KLRG1: variants seen among roughly 807,000 people sequenced by gnomAD.
The protein encoded by KLRG1 is killer cell lectin-like receptor subfamily G member 1.
In KLRG1, 16 loss-of-function variants were observed where a neutral mutation model predicts 21.8. The observed-to-expected ratio is 0.73, with a 90% confidence interval of 0.50 to 1.11. KLRG1 has a LOEUF of 1.11. KLRG1 is among the 50% of genes most tolerant of loss of function. The pLI is 0.00. For missense variants in KLRG1, 173 were observed against 218.3 expected (o/e 0.79, Z 1.31); for synonymous variants, 69 against 75.9 (o/e 0.91, Z 0.47).
the KLRG1 span, chr12:9,101,099 TG>T: frequency 6.6e-7 from 1 of 1,525,126 alleles, no homozygotes; most frequent in South Asian, 1.2e-5. Flanking sequence ...TAAGGCTGAA[TG>T]GGTCAGAATG....
At chr12:9,054,549 G>A in the KLRG1 span, among the ~76,000 whole-genome samples, 4 of 138,408 alleles carry the variant, frequency 2.9e-5, no homozygotes, top group African/African-American at 7.3e-5. Flanking sequence ...CACATTAAAC[G>A]TTTATTATTT....
chr12:9,092,085 G>A, the KLRG1 span, among the ~76,000 whole-genome samples: 5 of 152,334 alleles, frequency 3.3e-5, no homozygotes, highest in East Asian at 7.7e-4. Context: ...CTGACTGAGT[G>A]TTGGGCTTCT....
chr12:9,040,372 T>C, the KLRG1 span, among the ~76,000 whole-genome samples: 1 of 152,230 alleles, frequency 6.6e-6, no homozygotes, highest in South Asian at 2.1e-4. Flanking sequence ...AGGAAATCTT[T>C]CCTTAGTATT....
At chr12:8,994,085 G>A (rs1235177297) in intron 2 of KLRG1, among the ~76,000 whole-genome samples, 1 of 152,084 alleles carries the variant, frequency 6.6e-6, no homozygotes, top group African/African-American at 2.4e-5. Context: ...TTGTTTTTGA[G>A]ACAGTGTCTT....
At chr12:9,132,972 T>C in the KLRG1 span, among the ~76,000 whole-genome samples, 1 of 152,160 alleles carries the variant, frequency 6.6e-6, no homozygotes, top group Admixed American at 6.5e-5. Flanking sequence ...AACTAATATT[T>C]ATAGATACTG....
At chr12:9,056,101 A>G in the KLRG1 span, among the ~76,000 whole-genome samples, 1 of 152,210 alleles carries the variant, frequency 6.6e-6, no homozygotes, top group Admixed American at 6.5e-5. Context: ...CAAACTGCCT[A>G]TCGGCTGCAG....
upstream of KLRG1, among the ~76,000 whole-genome samples, chr12:8,987,741 G>A (rs1409258746): frequency 6.6e-6 from 1 of 152,048 alleles, no homozygotes; most frequent in African/African-American, 2.4e-5. Context: ...CCTCATATAA[G>A]TGGAATCACA....
At chr12:9,212,932 T>C in the KLRG1 span, among the ~76,000 whole-genome samples, 1 of 152,176 alleles carries the variant, frequency 6.6e-6, no homozygotes, top group African/African-American at 2.4e-5. Flanking sequence ...AGAAACTACA[T>C]ACATGTTAGT....
chr12:9,176,927 C>G, the KLRG1 span, among the ~76,000 whole-genome samples: 12 of 152,118 alleles, frequency 7.9e-5, no homozygotes, highest in Admixed American at 2.6e-4. Context: ...GTACTTGGAC[C>G]TGATTTAAAT....
At chr12:9,194,297 A>G in the KLRG1 span, 7 of 1,494,944 alleles carry the variant, frequency 4.7e-6, no homozygotes, top group Admixed American at 5.8e-5. Context: ...GACTGAACTC[A>G]TGTGAACAAA....
At chr12:9,073,789 T>C in the KLRG1 span, among the ~76,000 whole-genome samples, 1 of 152,116 alleles carries the variant, frequency 6.6e-6, no homozygotes, top group Non-Finnish European at 1.5e-5. Context: ...TGTTTGTGTA[T>C]TAAGAGGTGA....
At chr12:9,035,563 G>A in the KLRG1 span, among the ~76,000 whole-genome samples, 5 of 148,844 alleles carry the variant, frequency 3.4e-5, no homozygotes, top group South Asian at 2.1e-4. Flanking sequence ...AAAACTGCAC[G>A]TTCTGCACGT....
the KLRG1 span, chr12:9,168,813 G>A: frequency 4.5e-5 from 59 of 1,303,090 alleles, no homozygotes; most frequent in African/African-American, 8.1e-4. Flanking sequence ...TTAGCATTTT[G>A]GGCATAGTAA....
chr12:9,179,043 T>C, the KLRG1 span, among the ~76,000 whole-genome samples: 55 of 152,174 alleles, frequency 3.6e-4, no homozygotes, highest in African/African-American at 1.3e-3. Flanking sequence ...TTTTAAATGG[T>C]GATTCATGAG....
the KLRG1 span, among the ~76,000 whole-genome samples, chr12:9,100,452 T>C: frequency 3.9e-5 from 6 of 152,104 alleles, no homozygotes; most frequent in Admixed American, 3.9e-4. Flanking sequence ...ATTTATTTAT[T>C]TACTTTTATA....
chr12:9,143,651 T>C, the KLRG1 span, among the ~76,000 whole-genome samples: 1 of 152,234 alleles, frequency 6.6e-6, no homozygotes, highest in East Asian at 1.9e-4. Flanking sequence ...GGTTATAAAG[T>C]TGTCAAGGTC....
At chr12:9,208,576 TA>T in the KLRG1 span, among the ~76,000 whole-genome samples, 14 of 152,258 alleles carry the variant, frequency 9.2e-5, no homozygotes, top group East Asian at 2.5e-3. Context: ...GTCTGGAAGA[TA>T]AAATTTGTAT....
At chr12:9,149,000 G>C in the KLRG1 span, 2 of 1,611,024 alleles carry the variant, frequency 1.2e-6, no homozygotes, top group Non-Finnish European at 1.7e-6. Context: ...TGTATCTATG[G>C]AGAAAAGAAA....
At chr12:8,968,060 A>T (rs1297864654) in intron 1 of KLRG1, among the ~76,000 whole-genome samples, 6 of 152,192 alleles carry the variant, frequency 3.9e-5, no homozygotes, top group Non-Finnish European at 7.3e-5. Flanking sequence ...CATGAAAGAC[A>T]TTCGGTTTAA....
Sources: allele counts gnomAD v4.1 joint callset (sites outside exome capture counted in the v4.1 genomes callset), GRCh38; gene constraint gnomAD v4.1.1; transcripts MANE v1.5; gene names NCBI Gene and HGNC (gene_info 2026-07-23, HGNC 2026-07-21).